The following PDIA4 variants were observed in gnomAD, a reference collection of about 807,000 sequenced individuals.
The protein encoded by PDIA4 is protein disulfide-isomerase A4.
PDIA4 carries 33 observed loss-of-function variants against 62.1 expected under a neutral mutation model. The ratio of observed to expected loss-of-function variants is 0.53; its 90% confidence interval spans 0.40 to 0.71. The LOEUF is 0.71. Among genes scored for constraint, PDIA4 ranks in the 30% least tolerant of loss-of-function variants. PDIA4 has a pLI of 0.00. For missense variants in PDIA4, 804 were observed against 813.6 expected (o/e 0.99, Z 0.14); for synonymous variants, 341 against 324.1 (o/e 1.05, Z -0.56).
At position 149,012,251 on chromosome 7, in the gene PDIA4, C is replaced by A. The variant is rs147180118; in HGVS notation, c.724G>T (p.Asp242Tyr). The A allele has an allele frequency of 6.8e-5, 110 of 1,614,066 alleles. No homozygotes were observed. The highest frequency in any genetic ancestry group is 9.0e-5 in the Non-Finnish European group (106 of 1,180,048). Residue 242 changes from aspartate to tyrosine, a missense_variant, in exon 5 of 10, where the codon GAC (aspartate) becomes TAC (tyrosine). By Grantham distance (160) the Asp-to-Tyr change is radical. Coordinates refer to ENST00000652332, the MANE Select transcript of PDIA4 (RefSeq NM_004911.5). ...LAKVDATAETDLAKRFDVSGY... is the reference protein window; with the variant it reads ...LAKVDATAETYLAKRFDVSGY... ...GAGACATCAAACCTCTTGGCCAGGTCTGTTTCTGCGGTGGCGTCGACCTTT... is the reference window on the plus strand; with the variant it reads ...GAGACATCAAACCTCTTGGCCAGGTATGTTTCTGCGGTGGCGTCGACCTTT...
intron 9 of PDIA4, 74 bp from the exon 10 acceptor site, chr7:149,004,283 C>T: frequency 6.9e-7 from 1 of 1,452,638 alleles, no homozygotes; most frequent in Non-Finnish European, 9.4e-7. Context: ...CTCTCTGGAC[C>T]AGGCAGTGAG....
At chr7:149,014,179 G>A (rs1394870718) in intron 4 of PDIA4, among the ~76,000 whole-genome samples, 2 of 152,184 alleles carry the variant, frequency 1.3e-5, no homozygotes, top group Non-Finnish European at 2.9e-5. Flanking sequence ...AGGGTGTCCT[G>A]GTCCCAAACC....
In PDIA4 at chr7:149,005,019, G is replaced by T. The variant is rs1216859906; in HGVS notation, c.1522+122C>A. The stretch of plus-strand genomic sequence containing the variant: ...AGTCCCTCGGGGGTGAGAGAGGACT[G>T]CTGGCTGACTTAAGGGGGTGTCGTG... On this transcript the variant is annotated intron_variant, in intron 9 of 9. Coordinates refer to ENST00000652332, the MANE Select transcript of PDIA4 (RefSeq NM_004911.5). 15 of 750,666 alleles carry T rather than the reference G, an allele frequency of 2.0e-5. 1 individual carries two copies. Among genetic ancestry groups the T allele is most frequent in the Non-Finnish European group, 3.3e-5 (14 of 424,110 alleles). 46.5% of individuals were successfully genotyped at this position (750,666 alleles called of 1,614,324 possible).
chr7:149,012,380 T>A lies in PDIA4; in HGVS notation c.615-20A>T. The A allele has an allele frequency of 6.2e-7, 1 of 1,602,056 alleles. No homozygotes were observed. The highest frequency in any genetic ancestry group is 1.7e-5 in the Admixed American group (1 of 59,918). On this transcript the variant is annotated intron_variant, in intron 4 of 9. Coordinates refer to ENST00000652332, the MANE Select transcript of PDIA4 (RefSeq NM_004911.5). ...CCACACCTGCCAAGAGGAAACTGGT[T>A]TGTCAGGGGCTCATTCTAGTGTGGA...
At chr7:149,017,474 C>T (rs1020451238) in intron 3 of PDIA4, among the ~76,000 whole-genome samples, 1 of 152,062 alleles carries the variant, frequency 6.6e-6, no homozygotes, top group Non-Finnish European at 1.5e-5. Flanking sequence ...ATCACAGCTA[C>T]TCTGGAGGCT....
intron 1 of PDIA4, among the ~76,000 whole-genome samples, chr7:149,021,445 C>T (rs1218812546): frequency 4.2e-5 from 6 of 142,214 alleles, no homozygotes; most frequent in Admixed American, 7.5e-5. Flanking sequence ...GCCGAGATCG[C>T]GCCATTGCAT....
chr7:149,021,425 G>A lies in PDIA4; in HGVS notation c.89-278C>T, dbSNP rs527961614. On this transcript the variant is annotated intron_variant, in intron 1 of 9. Coordinates refer to ENST00000652332, the MANE Select transcript of PDIA4 (RefSeq NM_004911.5). ...AATCGCTTGAACCTGGGAGGCGGAG[G>A]TTACAGTGAGCCGAGATCGCGCCAT... 5.5e-5 allele frequency among the ~76,000 whole-genome samples: 8 copies of A among 145,094 alleles called. No homozygotes were observed. The East Asian group carries it at 1.6e-3, about 29-fold the overall frequency.
At chr7:149,013,818 A>C (rs1388914581) in intron 4 of PDIA4, among the ~76,000 whole-genome samples, 1 of 152,332 alleles carries the variant, frequency 6.6e-6, no homozygotes, top group African/African-American at 2.4e-5. Flanking sequence ...AAATCGCACT[A>C]CACTCGCTGA....
intron 6 of PDIA4, among the ~76,000 whole-genome samples, chr7:149,011,068 T>A (rs1360635618): frequency 2.6e-5 from 4 of 152,262 alleles, no homozygotes; most frequent in African/African-American, 9.6e-5. Context: ...GCATTTGACT[T>A]ATGCACAATT....
intron 4 of PDIA4, among the ~76,000 whole-genome samples, chr7:149,014,522 T>C (rs1412893484): frequency 1.1e-4 from 16 of 152,150 alleles, no homozygotes; most frequent in Admixed American, 8.5e-4. Flanking sequence ...CTCTGACTGC[T>C]GCCAGCTTAT....
intron 1 of PDIA4, among the ~76,000 whole-genome samples, chr7:149,023,114 T>C (rs953462292): frequency 7.9e-5 from 12 of 152,170 alleles, no homozygotes; most frequent in African/African-American, 2.7e-4. Context: ...CAGAAGTTCA[T>C]GGAGGGCAGA....
Position 149,005,858 on chromosome 7 carries a change from C to A in PDIA4, c.1288+39G>T, listed in dbSNP as rs184347078. Reference sequence around the variant, plus strand: ...CCTTGCCTGAAAGAACGAGTCCCCCCACCCCCCACCCCCGCAGGTCTTGGT... The same window carrying A: ...CCTTGCCTGAAAGAACGAGTCCCCCAACCCCCCACCCCCGCAGGTCTTGGT... On this transcript the variant is annotated intron_variant, in intron 8 of 9. Coordinates refer to ENST00000652332, the MANE Select transcript of PDIA4 (RefSeq NM_004911.5). 1.2e-4 allele frequency: 171 copies of A among 1,440,264 alleles called. No individual in the cohort carries two copies. The African/African-American group carries it at 2.6e-3, about 22-fold the overall frequency. The allele number at this position is 1,440,264 out of a possible 1,614,324, so 89.2% of individuals were successfully genotyped here.
At chr7:149,011,639 C>G (rs1007215607) in intron 6 of PDIA4, among the ~76,000 whole-genome samples, 1 of 152,148 alleles carries the variant, frequency 6.6e-6, no homozygotes, top group African/African-American at 2.4e-5. Context: ...TGACTGTGCC[C>G]CTCCCCTGCA....
intron 9 of PDIA4, among the ~76,000 whole-genome samples, chr7:149,004,588 G>C (rs953659764): frequency 6.6e-6 from 1 of 152,238 alleles, no homozygotes; most frequent in African/African-American, 2.4e-5. Flanking sequence ...TGTGGCCAGC[G>C]CTGGGGGCCT....
At chr7:149,027,751 A>C (rs1458279875) in intron 1 of PDIA4, 9 of 423,466 alleles carry the variant, frequency 2.1e-5, no homozygotes, top group Non-Finnish European at 4.4e-5. Flanking sequence ...AGTAAATGCT[A>C]AATGCAGAAG....
intron 1 of PDIA4, among the ~76,000 whole-genome samples, chr7:149,024,906 C>A (rs1241431044): frequency 4.0e-5 from 6 of 150,144 alleles, no homozygotes; most frequent in African/African-American, 1.5e-4. Context: ...AAGCGGATCT[C>A]CTGAGGTCGG....
intron 3 of PDIA4, among the ~76,000 whole-genome samples, chr7:149,016,303 T>C (rs1181422817): frequency 1.3e-5 from 2 of 152,124 alleles, no homozygotes; most frequent in Non-Finnish European, 2.9e-5. Flanking sequence ...CCATCTAAAA[T>C]AAAGAAGTAC....
In PDIA4 at chr7:149,005,880, T is replaced by TG. The variant is rs1322322168; in HGVS notation, c.1288+16dup. On this transcript the variant is annotated intron_variant, in intron 8 of 9. Coordinates refer to ENST00000652332, the MANE Select transcript of PDIA4 (RefSeq NM_004911.5). Reference sequence around the variant, plus strand: ...CCCCACCCCCCACCCCCGCAGGTCTTGGTGGGGGTCCCTCACCAGCTCTGT... The same window carrying TG: ...CCCCACCCCCCACCCCCGCAGGTCTTGGGTGGGGGTCCCTCACCAGCTCTGT... 1.3e-6 allele frequency: 2 copies of TG among 1,487,444 alleles called. No homozygotes were observed. The highest frequency in any genetic ancestry group is 2.9e-5 in the African/African-American group (2 of 67,962). 92.1% of individuals were successfully genotyped at this position (1,487,444 alleles called of 1,614,324 possible).
intron 6 of PDIA4, among the ~76,000 whole-genome samples, chr7:149,008,919 G>C (rs1823850851): frequency 1.3e-5 from 2 of 151,930 alleles, no homozygotes; most frequent in Admixed American, 1.3e-4. Flanking sequence ...TTAAGCCCAG[G>C]AGTTAGTTCA....
Sources: gnomAD v4.1 joint callset for allele counts (sites outside exome capture counted in the v4.1 genomes callset) on GRCh38, gnomAD v4.1.1 for gene constraint, MANE v1.5 for transcripts, NCBI Gene and HGNC (gene_info 2026-07-23, HGNC 2026-07-21) for gene names.